The following REDIC1 variants were observed in gnomAD, a reference collection of about 807,000 sequenced individuals.
The protein encoded by REDIC1 is regulator of DNA class I crossover intermediates 1.
At chr12:39,650,114 TG>T in the REDIC1 span, 1 of 1,048,512 alleles carries the variant, frequency 9.5e-7, no homozygotes, top group Non-Finnish European at 1.3e-6. The surrounding 1 kb of genome is among the most constrained non-coding windows in gnomAD (Gnocchi z 4.3). Flanking sequence ...TACTTTATTT[TG>T]GACTATTTTT....
the REDIC1 span, among the ~76,000 whole-genome samples, chr12:39,704,144 A>C: frequency 1.3e-5 from 2 of 151,462 alleles, no homozygotes; most frequent in Admixed American, 1.3e-4. Context: ...GCAACCTACA[A>C]AATGGGAGAA....
chr12:39,698,064 G>T, the REDIC1 span, among the ~76,000 whole-genome samples: 1 of 152,076 alleles, frequency 6.6e-6, no homozygotes, highest in Admixed American at 6.5e-5. Context: ...GATGGAAAAA[G>T]ATATTCCAAG....
chr12:39,777,471 T>C, the REDIC1 span, among the ~76,000 whole-genome samples: 2 of 151,790 alleles, frequency 1.3e-5, no homozygotes, highest in African/African-American at 4.8e-5. Flanking sequence ...AAGTGCTAGG[T>C]AGAGGAGGGC....
the REDIC1 span, among the ~76,000 whole-genome samples, chr12:39,681,964 T>C: frequency 6.6e-6 from 1 of 150,610 alleles, no homozygotes; most frequent in Non-Finnish European, 1.5e-5. Flanking sequence ...TTTTCCACTA[T>C]ATCTTTGATT....
At chr12:39,706,050 G>T in the REDIC1 span, among the ~76,000 whole-genome samples, 1,279 of 151,924 alleles carry the variant, frequency 8.4e-3, 23 homozygotes, top group African/African-American at 0.029. Context: ...CCAATGATGT[G>T]GTCTTATATT....
At chr12:39,714,915 G>GT in the REDIC1 span, among the ~76,000 whole-genome samples, 1 of 151,622 alleles carries the variant, frequency 6.6e-6, no homozygotes, top group Admixed American at 6.6e-5. Flanking sequence ...GAGATTGTTT[G>GT]TTTTTTTCTT....
chr12:39,813,980 T>C, the REDIC1 span, among the ~76,000 whole-genome samples: 2 of 152,216 alleles, frequency 1.3e-5, no homozygotes, highest in African/African-American at 4.8e-5. Flanking sequence ...CAATTTCCAG[T>C]ATGAGTGATT....
the REDIC1 span, among the ~76,000 whole-genome samples, chr12:39,724,105 G>C: frequency 1.3e-5 from 2 of 152,086 alleles, no homozygotes; most frequent in African/African-American, 4.8e-5. Context: ...GGCAGAGGAA[G>C]TACCAGAGTG....
At chr12:39,645,198 A>G in the REDIC1 span, among the ~76,000 whole-genome samples, 1 of 152,004 alleles carries the variant, frequency 6.6e-6, no homozygotes, top group African/African-American at 2.4e-5. Context: ...CTTAAATAGC[A>G]AGATGACTTA....
the REDIC1 span, chr12:39,830,064 ATAT>A: frequency 1.9e-6 from 3 of 1,612,108 alleles, no homozygotes; most frequent in Non-Finnish European, 2.5e-6. Flanking sequence ...TCGTTTTGAA[ATAT>A]TATTATATAT....
the REDIC1 span, among the ~76,000 whole-genome samples, chr12:39,747,927 G>A: frequency 1.3e-5 from 2 of 152,164 alleles, no homozygotes; most frequent in Non-Finnish European, 2.9e-5. Context: ...CCTGAAGGAA[G>A]CAATAAACAT....
the REDIC1 span, among the ~76,000 whole-genome samples, chr12:39,795,384 C>T: frequency 6.6e-6 from 1 of 151,976 alleles, no homozygotes; most frequent in Non-Finnish European, 1.5e-5. Context: ...AGTTATAAAT[C>T]TGCTTATTGT....
the REDIC1 span, chr12:39,683,063 A>T: frequency 6.2e-7 from 1 of 1,612,968 alleles, no homozygotes; most frequent in Non-Finnish European, 8.5e-7. Context: ...TATCAGAGAG[A>T]GTATAACAAA....
chr12:39,686,897 G>T, the REDIC1 span, among the ~76,000 whole-genome samples: 4 of 152,158 alleles, frequency 2.6e-5, no homozygotes, highest in Non-Finnish European at 5.9e-5. Context: ...TCTTCTGCCA[G>T]ATATCCTAAA....
the REDIC1 span, among the ~76,000 whole-genome samples, chr12:39,886,702 T>C: frequency 2.3e-4 from 35 of 152,340 alleles, no homozygotes; most frequent in Admixed American, 5.9e-4. Context: ...TCATTTCCTG[T>C]TCTTTATTAT....
the REDIC1 span, chr12:39,684,848 G>A: frequency 2.5e-6 from 4 of 1,581,656 alleles, no homozygotes; most frequent in Admixed American, 3.4e-5. Context: ...CTTTGATACT[G>A]TGTATTTATA....
the REDIC1 span, chr12:39,692,179 A>C: frequency 7.6e-7 from 1 of 1,318,124 alleles, no homozygotes; most frequent in Non-Finnish European, 1.0e-6. Context: ...GAAATCAGTT[A>C]AATTTGAAGT....
At chr12:39,694,425 TGTA>T in the REDIC1 span, among the ~76,000 whole-genome samples, 43,100 of 151,766 alleles carry the variant, frequency 0.28, 7,567 homozygotes, top group Admixed American at 0.36. Context: ...AGTGATTCTG[TGTA>T]CTGGGGAGAG....
At chr12:39,665,631 G>A in the REDIC1 span, among the ~76,000 whole-genome samples, 1 of 150,102 alleles carries the variant, frequency 6.7e-6, no homozygotes, top group Non-Finnish European at 1.5e-5. Flanking sequence ...TAGCTTGATG[G>A]GGATGGCATT....
Sources: gnomAD v4.1 joint callset for allele counts (sites outside exome capture counted in the v4.1 genomes callset) on GRCh38, gnomAD v4.1.1 for gene constraint, Gnocchi (gnomAD v3.1) non-coding constraint, MANE v1.5 for transcripts, NCBI Gene and HGNC (gene_info 2026-07-23, HGNC 2026-07-21) for gene names.